Variants in USP6NL observed in about 807,000 individuals in gnomAD.
USP6NL encodes USP6 N-terminal like.
A neutral mutation model predicts 61.9 loss-of-function variants in USP6NL; 26 were observed. The observed-to-expected ratio is 0.42, with a 90% CI of 0.31 to 0.58. The LOEUF is 0.58. Ranked by LOEUF, USP6NL falls within the 20% of genes least tolerant of loss-of-function variation. USP6NL has a pLI of 0.16. For missense variants in USP6NL, 1,114 were observed against 1,034.3 expected, an observed-to-expected ratio of 1.08 and a Z score of -1.06; for synonymous variants, 432 against 390.1, an observed-to-expected ratio of 1.11 and a Z score of -1.27.
Position 11,598,556 on chromosome 10 carries a change from C to G in USP6NL, c.-83-839G>C, listed in dbSNP as rs1838404202. 6.6e-6 allele frequency among the ~76,000 whole-genome samples: 1 copy of G among 152,070 alleles called. No homozygotes were observed. Among genetic ancestry groups the G allele is most frequent in the Non-Finnish European group, 1.5e-5 (1 of 68,022 alleles). ...AACATAACCATGGATGCACAAATGC[C>G]TACCTAAATCTATCATATAAAATTC... On this transcript the variant is annotated intron_variant, in intron 1 of 14. Transcript: ENST00000609104. This position sits in a 1 kb window ranked among gnomAD's most constrained non-coding sequence, Gnocchi z 4.7.
chr10:11,609,230 T>C (rs1838800890), intron 1 of USP6NL, among the ~76,000 whole-genome samples: 1 of 152,102 alleles, frequency 6.6e-6, no homozygotes, highest in South Asian at 2.1e-4. Flanking sequence ...ACCGCCCAGC[T>C]AATCTTTGTA....
intron 4 of USP6NL, among the ~76,000 whole-genome samples, chr10:11,522,877 A>C (rs1835266664): frequency 6.6e-6 from 1 of 152,254 alleles, no homozygotes; most frequent in African/African-American, 2.4e-5. Context: ...TTCAGAATGC[A>C]AGTTCTGCAG....
rs1838321510 is a variant in USP6NL at position 11,596,197 on chromosome 10, A to T, written c.4+1434T>A. Among the ~76,000 whole-genome samples the T allele has an allele frequency of 4.6e-5, 7 of 152,242 alleles. No individual in the cohort carries two copies. The highest frequency in any genetic ancestry group is 2.0e-4 in the Admixed American group (3 of 15,284). On this transcript the variant is annotated intron_variant, in intron 2 of 14. Coordinates refer to ENST00000609104, the MANE Select transcript of USP6NL (RefSeq NM_014688.5). The surrounding 1 kb of genome is among the most constrained non-coding windows in gnomAD (Gnocchi z 4.1). ...AATTTATTTCACTTTCCAAAAATGT[A>T]AGCGTTTTTAAGTTAAAATGCTTGC... is the stretch of plus-strand genomic sequence containing the variant.
At chr10:11,475,828 C>CA (rs1832949111) in intron 14 of USP6NL, among the ~76,000 whole-genome samples, 3 of 151,684 alleles carry the variant, frequency 2.0e-5, no homozygotes, top group Admixed American at 2.0e-4. Flanking sequence ...TATTTTAAAA[C>CA]AAAAAGATAT....
chr10:11,485,765 CT>C lies in USP6NL; in HGVS notation c.759+51del. 8.8e-6 allele frequency: 11 copies of C among 1,246,368 alleles called. No homozygotes were observed. Among genetic ancestry groups the C allele is most frequent in the East Asian group, 2.6e-5 (1 of 38,062 alleles). The allele number at this position is 1,246,368 out of a possible 1,614,324, so 77.2% of individuals were successfully genotyped here. A position where few individuals can be genotyped will look rare whatever the true frequency, so the allele number is the denominator to read the frequency against. ...ACCAAAGACAATTTAATTATCCCAG[CT>C]TTTTTTGGGGGGTGGGTAGGTGGGT... On this transcript the variant is annotated intron_variant, in intron 11 of 14. Coordinates refer to ENST00000609104, the MANE Select transcript of USP6NL (RefSeq NM_014688.5). This position sits in a 1 kb window ranked among gnomAD's most constrained non-coding sequence, Gnocchi z 4.8.
intron 2 of USP6NL, among the ~76,000 whole-genome samples, chr10:11,573,208 C>T (rs1166961821): frequency 6.6e-6 from 1 of 152,084 alleles, no homozygotes. Context: ...CTACCACAGG[C>T]AGAATCCTAG....
chr10:11,610,119 T>C (rs1447348635), intron 1 of USP6NL, among the ~76,000 whole-genome samples: 1 of 152,366 alleles, frequency 6.6e-6, no homozygotes, highest in Non-Finnish European at 1.5e-5. Context: ...TAAGGATACC[T>C]GTACTTGCAA....
chr10:11,536,140 C>T (rs2133436835), intron 2 of USP6NL, among the ~76,000 whole-genome samples: 1 of 152,332 alleles, frequency 6.6e-6, no homozygotes, highest in South Asian at 2.1e-4. Flanking sequence ...CTAAAGGCTA[C>T]ATACACCAGC....
intron 2 of USP6NL, among the ~76,000 whole-genome samples, chr10:11,543,872 C>T (rs375976910): frequency 8.0e-4 from 95 of 118,548 alleles, no homozygotes; most frequent in African/African-American, 2.8e-3. Context: ...AGTGCAGTGG[C>T]GCAGTCTCGG....
At position 11,591,471 on chromosome 10, in the gene USP6NL, TTAAC is replaced by T. The variant is rs947004884; in HGVS notation, c.4+6156_4+6159del. Among the ~76,000 whole-genome samples the T allele has an allele frequency of 6.6e-5, 10 of 152,270 alleles. No individual in the cohort carries two copies. The highest frequency in any genetic ancestry group is 5.9e-4 in the Admixed American group (9 of 15,298). On this transcript the variant is annotated intron_variant, in intron 2 of 14. Transcript: ENST00000609104. This position sits in a 1 kb window ranked among gnomAD's most constrained non-coding sequence, Gnocchi z 4.7. ...GGTATATAATTTGAAATTTTAAGAT[TTAAC>T]TAGTAAAAATAATTCAGAAGCTTTA...
At chr10:11,475,055 T>C (rs11257115) in intron 14 of USP6NL, among the ~76,000 whole-genome samples, 16,219 of 152,218 alleles carry the variant, frequency 0.11, 1,149 homozygotes, top group East Asian at 0.16. Flanking sequence ...TCTGGCTAAA[T>C]TGGCAGTCAT....
At chr10:11,605,957 A>T (rs1031762008) in intron 1 of USP6NL, among the ~76,000 whole-genome samples, 1 of 152,218 alleles carries the variant, frequency 6.6e-6, no homozygotes, top group Non-Finnish European at 1.5e-5. Context: ...GTATCTGAAG[A>T]GAGAGTGGCT....
At chr10:11,605,627 T>C (rs914339745) in intron 1 of USP6NL, among the ~76,000 whole-genome samples, 2 of 152,062 alleles carry the variant, frequency 1.3e-5, no homozygotes, top group African/African-American at 4.8e-5. Flanking sequence ...CTAAAACTTT[T>C]GATAGGGAAC....
chr10:11,548,899 T>C lies in USP6NL; in HGVS notation c.5-21332A>G, dbSNP rs116057827. Among the ~76,000 whole-genome samples the C allele has an allele frequency of 7.4e-4, 113 of 152,314 alleles. No individual in the cohort carries two copies. The highest frequency in any genetic ancestry group is 2.7e-3 in the African/African-American group (112 of 41,586). On this transcript the variant is annotated intron_variant, in intron 2 of 14. Transcript: ENST00000609104. This position sits in a 1 kb window ranked among gnomAD's most constrained non-coding sequence, Gnocchi z 4.3. ...AAAGGAAGTTGTATTAGTGCTATTA[T>C]ACCCAGAAAAGTCCCTAAAGACCAT... is the stretch of plus-strand genomic sequence containing the variant.
chr10:11,526,821 G>T (rs548569502), intron 3 of USP6NL, among the ~76,000 whole-genome samples: 4 of 152,094 alleles, frequency 2.6e-5, no homozygotes, highest in Admixed American at 6.5e-5. Context: ...GTCAATAATT[G>T]TGATTTTCTA....
At chr10:11,569,433 G>C (rs1837281257) in intron 2 of USP6NL, among the ~76,000 whole-genome samples, 1 of 152,092 alleles carries the variant, frequency 6.6e-6, no homozygotes, top group African/African-American at 2.4e-5. Flanking sequence ...AACATTTATT[G>C]GTCAATTTAA....
rs1838075056 is a variant in USP6NL at position 11,589,109 on chromosome 10, G to A, written c.4+8522C>T. Among the ~76,000 whole-genome samples the A allele has an allele frequency of 6.6e-6, 1 of 152,182 alleles. No individual in the cohort carries two copies. Among genetic ancestry groups the A allele is most frequent in the South Asian group, 2.1e-4 (1 of 4,834 alleles). On this transcript the variant is annotated intron_variant, in intron 2 of 14. Coordinates refer to ENST00000609104, the MANE Select transcript of USP6NL (RefSeq NM_014688.5). The surrounding 1 kb of genome is among the most constrained non-coding windows in gnomAD (Gnocchi z 4.7). ...ATCCAGAAGAGAGACTCTAACAGCA[G>A]TAAAGGTTTCCCCTTAGCAGTAAGG... is the stretch of plus-strand genomic sequence containing the variant.
chr10:11,501,327 T>C, intron 6 of USP6NL, 119 bp from the exon 7 acceptor site: 1 of 758,376 alleles, frequency 1.3e-6, no homozygotes, highest in South Asian at 2.1e-5. Context: ...TGGCAATTAA[T>C]TAATACATTT....
At chr10:11,504,408 C>T (rs767437278) in intron 6 of USP6NL, among the ~76,000 whole-genome samples, 1 of 152,154 alleles carries the variant, frequency 6.6e-6, no homozygotes, top group Non-Finnish European at 1.5e-5. Context: ...TCTACATCAG[C>T]CCCATAATGT....
Sources: allele counts gnomAD v4.1 joint callset (sites outside exome capture counted in the v4.1 genomes callset), GRCh38; gene constraint gnomAD v4.1.1; non-coding constraint Gnocchi (gnomAD v3.1); transcripts MANE v1.5; gene names NCBI Gene and HGNC (gene_info 2026-07-23, HGNC 2026-07-21).